Variants in KIFC3 observed in about 807,000 individuals in gnomAD.
KIFC3 encodes kinesin-like protein KIFC3.
KIFC3 carries 60 observed loss-of-function variants against 101.8 expected under a neutral mutation model. The observed-to-expected ratio is 0.59, with a 90% CI of 0.48 to 0.73. The LOEUF (loss-of-function observed/expected upper bound fraction) is 0.73. Among genes scored for constraint, KIFC3 ranks in the 30% least tolerant of loss-of-function variants. The probability of loss-of-function intolerance (pLI) is 0.00; values close to 1 mark genes in which losing one functional copy is unlikely to be tolerated. For synonymous variants in KIFC3, 476 were observed against 482.7 expected (o/e 0.99, Z 0.18); for missense variants, 966 against 1,137.1 (o/e 0.85, Z 2.16).
At chr16:57,794,947 C>T (rs782477220) in intron 3 of KIFC3, 52 bp downstream of exon 3, 9 of 1,475,528 alleles carry the variant, frequency 6.1e-6, no homozygotes, top group Non-Finnish European at 7.1e-6. Context: ...AACCCAGCCA[C>T]TGGAGCTCAG....
intron 1 of KIFC3, among the ~76,000 whole-genome samples, chr16:57,840,646 G>A (rs1214199227): frequency 6.6e-6 from 1 of 151,546 alleles, no homozygotes; most frequent in Non-Finnish European, 1.5e-5. Context: ...TGTAATCCCA[G>A]CTACTCGGGA....
intron 3 of KIFC3, among the ~76,000 whole-genome samples, chr16:57,777,724 T>TA (rs1199550317): frequency 1.3e-4 from 16 of 127,028 alleles, no homozygotes; most frequent in East Asian, 7.1e-4. Flanking sequence ...CCATCTCAAA[T>TA]AAAAAAAAAA....
chr16:57,862,685 C>T (rs549974691), intron 1 of KIFC3: 6 of 759,634 alleles, frequency 7.9e-6, no homozygotes, highest in Middle Eastern at 3.3e-4. Flanking sequence ...TCCAACAGGC[C>T]TCCTCCTCCC....
Position 57,771,162 on chromosome 16 carries a change from T to A in KIFC3, c.765+36A>T, listed in dbSNP as rs781939860. On this transcript the variant is annotated intron_variant, in intron 6 of 19. Coordinates refer to ENST00000445690, the MANE Select transcript of KIFC3 (RefSeq NM_001130100.2). The stretch of plus-strand genomic sequence containing the variant: ...GCCCTGCCCCAGGTGCCAGGGGCCT[T>A]GGGCTGAGGCACAGATCAGGTGGGC... 95 of 1,604,640 alleles carry A rather than the reference T, an allele frequency of 5.9e-5. No individual in the cohort carries two copies. The Middle Eastern group carries it at 1.0e-3, about 18-fold the overall frequency.
intron 3 of KIFC3, chr16:57,788,610 C>T (rs949701124): frequency 1.4e-5 from 18 of 1,289,254 alleles, no homozygotes; most frequent in African/African-American, 6.1e-5. Context: ...ACCAGCTTCC[C>T]GGGCCTCCCG....
chr16:57,847,319 G>A (rs1022681108), intron 1 of KIFC3, among the ~76,000 whole-genome samples: 1 of 150,036 alleles, frequency 6.7e-6, no homozygotes, highest in African/African-American at 2.5e-5. Flanking sequence ...GGAGGGAGAG[G>A]TGGCTCACAC....
intron 1 of KIFC3, among the ~76,000 whole-genome samples, chr16:57,857,251 C>A (rs1190753661): frequency 6.6e-6 from 1 of 152,106 alleles, no homozygotes; most frequent in African/African-American, 2.4e-5. Flanking sequence ...TCAGGAATCG[C>A]CATACCTTAG....
At chr16:57,805,823 G>T (rs1200653395), upstream of KIFC3, among the ~76,000 whole-genome samples, 2 of 152,074 alleles carry the variant, frequency 1.3e-5, no homozygotes, top group African/African-American at 4.8e-5. Flanking sequence ...TTACAGGCAT[G>T]CGCCACCACG....
At chr16:57,803,120 AC>A, upstream of KIFC3, 1 of 1,235,858 alleles carries the variant, frequency 8.1e-7, no homozygotes, top group Non-Finnish European at 1.1e-6. Context: ...CCCCAGCCCC[AC>A]CCCAGCAAAT....
At chr16:57,844,667 G>A (rs540597616) in intron 1 of KIFC3, among the ~76,000 whole-genome samples, 56 of 152,132 alleles carry the variant, frequency 3.7e-4, no homozygotes, top group South Asian at 6.2e-4. Flanking sequence ...CGCCCCCTCC[G>A]CAGGCCCCAG....
At chr16:57,833,865 G>GC (rs2055632633) in intron 1 of KIFC3, among the ~76,000 whole-genome samples, 1 of 132,444 alleles carries the variant, frequency 7.6e-6, no homozygotes, top group Non-Finnish European at 1.5e-5. Context: ...GAATGCAGTT[G>GC]CTTTTTTTTT....
At chr16:57,816,902 A>G (rs41484850) in intron 1 of KIFC3, 14,081 of 372,800 alleles carry the variant, frequency 0.038, 369 homozygotes, top group African/African-American at 0.071. Flanking sequence ...ACCTTGAACC[A>G]TAATACTAAG....
At chr16:57,775,070 G>A in intron 3 of KIFC3, 5 of 1,507,106 alleles carry the variant, frequency 3.3e-6, no homozygotes, top group Non-Finnish European at 4.4e-6. Context: ...GGTGGGAGGC[G>A]GGATACCCAC....
chr16:57,834,325 T>C (rs2055645089), intron 1 of KIFC3, among the ~76,000 whole-genome samples: 1 of 152,116 alleles, frequency 6.6e-6, no homozygotes, highest in African/African-American at 2.4e-5. Flanking sequence ...CTGGGAAACA[T>C]TGGTTTGTCC....
At chr16:57,839,293 CT>C (rs1276057464) in intron 1 of KIFC3, among the ~76,000 whole-genome samples, 2 of 152,032 alleles carry the variant, frequency 1.3e-5, no homozygotes, top group Non-Finnish European at 2.9e-5. Context: ...AATCCCAGCA[CT>C]TTGGGGAGGC....
upstream of KIFC3, chr16:57,807,991 A>G (rs2054981198): frequency 6.6e-6 from 1 of 150,890 alleles, no homozygotes; most frequent in South Asian, 2.1e-4. Flanking sequence ...TAAAAAGGAA[A>G]CCACCTTGCT....
chr16:57,804,181 C>T (rs1275836188), upstream of KIFC3, among the ~76,000 whole-genome samples: 5 of 152,142 alleles, frequency 3.3e-5, no homozygotes, highest in African/African-American at 1.2e-4. Context: ...TCATTGTAAC[C>T]ATATCCCACA....
rs782408074 is a variant in KIFC3, at chr16:57,761,182, GGGA to G, written c.1873-14_1873-12del. ...GCCAAACTCAAACACCTGGGGGATT[GGGA>G]GGAGGGCAGAGGCACAGCGTTGAGA... On this transcript the variant is annotated splice_polypyrimidine_tract_variant and intron_variant, in intron 14 of 19. Transcript: ENST00000445690. The G allele has an allele frequency of 4.3e-6, 7 of 1,613,374 alleles. No individual in the cohort carries two copies. The highest frequency in any genetic ancestry group is 5.9e-6 in the Non-Finnish European group (7 of 1,179,820).
intron 2 of KIFC3, among the ~76,000 whole-genome samples, chr16:57,797,496 G>A (rs1335229496): frequency 6.6e-6 from 1 of 152,208 alleles, no homozygotes; most frequent in East Asian, 1.9e-4. Context: ...CAGCTCCCCG[G>A]GGGGTACAGT....
Sources: gnomAD v4.1 joint callset for allele counts (sites outside exome capture counted in the v4.1 genomes callset) on GRCh38, gnomAD v4.1.1 for gene constraint, MANE v1.5 for transcripts, NCBI Gene and HGNC (gene_info 2026-07-23, HGNC 2026-07-21) for gene names.